WDTC1: variants seen among roughly 807,000 people sequenced by gnomAD.
WDTC1 encodes WD and tetratricopeptide repeats 1.
Under a neutral mutation model 76.0 loss-of-function variants are expected in WDTC1, and 12 were observed. The observed-to-expected ratio is 0.16, with a 90% confidence interval of 0.10 to 0.26. The LOEUF (loss-of-function observed/expected upper bound fraction) is 0.26. WDTC1 is among the 10% of genes least tolerant of loss of function. The probability of loss-of-function intolerance (pLI) is 1.00; values close to 1 mark genes in which losing one functional copy is unlikely to be tolerated. For missense variants in WDTC1, 511 were observed against 908.8 expected (o/e 0.56, Z 5.63); for synonymous variants, 326 against 350.8 (o/e 0.93, Z 0.79).
intron 1 of WDTC1, among the ~76,000 whole-genome samples, chr1:27,257,334 C>T (rs1470456291): frequency 6.6e-6 from 1 of 152,072 alleles, no homozygotes; most frequent in East Asian, 1.9e-4. Flanking sequence ...TGTTCCAATG[C>T]GTCCTATGCC....
intron 8 of WDTC1, 32 bp from the exon 9 acceptor site, chr1:27,294,482 G>A (rs775693338): frequency 6.3e-7 from 1 of 1,593,438 alleles, no homozygotes; most frequent in Non-Finnish European, 8.6e-7. Flanking sequence ...AAAGGGACTG[G>A]GACCCTAGTA....
At chr1:27,287,064 GAC>G (rs1438192251) in intron 5 of WDTC1, among the ~76,000 whole-genome samples, 1 of 151,292 alleles carries the variant, frequency 6.6e-6, no homozygotes. Context: ...TCAGGAGGCT[GAC>G]ACAGGAGAAT....
intron 3 of WDTC1, among the ~76,000 whole-genome samples, chr1:27,269,006 C>T (rs1055127096): frequency 6.7e-6 from 1 of 150,220 alleles, no homozygotes; most frequent in African/African-American, 2.4e-5. Flanking sequence ...TGAGCCACTG[C>T]GCCCAGCCCA....
chr1:27,282,385 C>G (rs2013213078), intron 4 of WDTC1, 100 bp downstream of exon 4: 1 of 1,231,718 alleles, frequency 8.1e-7, no homozygotes, highest in East Asian at 2.4e-5. Flanking sequence ...AAGATTGGAC[C>G]CAAATGAAAA....
chr1:27,297,598 C>G (rs2013727632), intron 11 of WDTC1, among the ~76,000 whole-genome samples: 1 of 152,194 alleles, frequency 6.6e-6, no homozygotes, highest in African/African-American at 2.4e-5. Flanking sequence ...AGACAGCGAT[C>G]CACAGGAGGG....
chr1:27,280,269 G>A (rs1010719224), intron 3 of WDTC1, among the ~76,000 whole-genome samples: 1 of 152,138 alleles, frequency 6.6e-6, no homozygotes, highest in Non-Finnish European at 1.5e-5. Flanking sequence ...AAAACATTGA[G>A]CTGGATTAAA....
intron 5 of WDTC1, among the ~76,000 whole-genome samples, chr1:27,284,844 T>A (rs1437239302): frequency 6.6e-6 from 1 of 151,938 alleles, no homozygotes; most frequent in Admixed American, 6.6e-5. Flanking sequence ...TGTATTTAAC[T>A]CATGCGCTCC....
In WDTC1 at chr1:27,305,555, G is replaced by C. The variant is rs916478722; in HGVS notation, c.1836+362G>C. On this transcript the variant is annotated intron_variant, in intron 15 of 15. Coordinates refer to ENST00000319394, the MANE Select transcript of WDTC1 (RefSeq NM_001276252.2). This position sits in a 1 kb window ranked among gnomAD's most constrained non-coding sequence, Gnocchi z 4.6. ...GACAGCACCACCTTGAAAGGTTGTG[G>C]TGAGAAGTAAAGAAGAGATGCCTGT... 6.6e-6 allele frequency among the ~76,000 whole-genome samples: 1 copy of C among 152,136 alleles called. No individual in the cohort carries two copies. The highest frequency in any genetic ancestry group is 2.4e-5 in the African/African-American group (1 of 41,412).
intron 1 of WDTC1, among the ~76,000 whole-genome samples, chr1:27,236,672 T>C (rs1304637889): frequency 6.6e-6 from 1 of 152,164 alleles, no homozygotes; most frequent in Non-Finnish European, 1.5e-5. Flanking sequence ...GGGCATCTTA[T>C]GTAGGGTGTT....
At chr1:27,269,621 G>GTTTTTTTTTTTTTTTTTTTTTTTTGTT (rs538857228) in intron 3 of WDTC1, among the ~76,000 whole-genome samples, 1 of 126,872 alleles carries the variant, frequency 7.9e-6, no homozygotes, top group African/African-American at 3.0e-5. Flanking sequence ...TTTTTTTTCG[G>GTTTTTTTTTTTTTTTTTTTTTTTTGTT]TTTTTTTTTT....
intron 3 of WDTC1, 90 bp downstream of exon 3, chr1:27,263,325 C>T: frequency 7.6e-7 from 1 of 1,308,500 alleles, no homozygotes; most frequent in South Asian, 1.4e-5. Flanking sequence ...AAGGCATAAA[C>T]AAGTGTTTCT....
chr1:27,266,203 A>G (rs184889252), intron 3 of WDTC1, among the ~76,000 whole-genome samples: 195 of 152,260 alleles, frequency 1.3e-3, no homozygotes, highest in African/African-American at 4.5e-3. Flanking sequence ...GAGAGTACCT[A>G]CTTTTCCTCT....
At position 27,297,080 on chromosome 1, in the gene WDTC1, G is replaced by C. The variant is rs1314636987; in HGVS notation, c.982G>C (p.Val328Leu). Residue 328 changes from valine to leucine, a missense_variant, in exon 11 of 16, where the codon GTG (valine) becomes CTG (leucine). Coordinates refer to ENST00000319394, the MANE Select transcript of WDTC1 (RefSeq NM_001276252.2). The stretch of plus-strand genomic sequence containing the variant: ...GAATGGCAAGATGTCCACCAACGGT[G>C]TGTCCAACGGTGTGTCCAATGGCCT... ...VQNGKMSTNG[V>L]SNGVSNGLHL... 6.2e-7 allele frequency: 1 copy of C among 1,614,040 alleles called. No homozygotes were observed. The highest frequency in any genetic ancestry group is 8.5e-7 in the Non-Finnish European group (1 of 1,179,960).
intron 5 of WDTC1, 84 bp from the exon 6 acceptor site, chr1:27,287,590 A>C: frequency 7.0e-7 from 1 of 1,431,156 alleles, no homozygotes; most frequent in Admixed American, 2.1e-5. Context: ...GGAGAGAGAA[A>C]AGGGTGCAGA....
At chr1:27,243,768 C>T (rs1171203369) in intron 1 of WDTC1, among the ~76,000 whole-genome samples, 3 of 151,968 alleles carry the variant, frequency 2.0e-5, no homozygotes, top group Non-Finnish European at 4.4e-5. Context: ...TACATGCAAG[C>T]GCTTCTGTTC....
chr1:27,254,641 C>T (rs1186256814), intron 1 of WDTC1, among the ~76,000 whole-genome samples: 5 of 150,946 alleles, frequency 3.3e-5, no homozygotes, highest in Non-Finnish European at 7.4e-5. Flanking sequence ...TAAATTTTGA[C>T]TTTTTTTTTG....
chr1:27,306,108 C>G lies in WDTC1; in HGVS notation c.1837-78C>G, dbSNP rs72880901. 15,221 of 1,524,336 alleles carry G rather than the reference C, an allele frequency of 1.0e-2. 1,270 individuals are homozygous for G. The African/African-American group carries it at 0.18, about 18-fold the overall frequency. 94.4% of individuals were successfully genotyped at this position (1,524,336 alleles called of 1,614,324 possible). A position where few individuals can be genotyped will look rare whatever the true frequency, so the allele number is the denominator to read the frequency against. ...TAGATAGTTTAGTCTGTGTATTTCC[C>G]TCCCCCTCCCCTATACGTGTACCCT... is the stretch of plus-strand genomic sequence containing the variant. On this transcript the variant is annotated intron_variant, in intron 15 of 15. Transcript: ENST00000319394. The surrounding 1 kb of genome is among the most constrained non-coding windows in gnomAD (Gnocchi z 5.0).
chr1:27,295,385 G>C (rs990118429), intron 9 of WDTC1, among the ~76,000 whole-genome samples: 1 of 152,146 alleles, frequency 6.6e-6, no homozygotes, highest in Non-Finnish European at 1.5e-5. Flanking sequence ...CTCAGGAGTA[G>C]TGCTAGGGTA....
chr1:27,292,681 C>A (rs1398905243), intron 7 of WDTC1, among the ~76,000 whole-genome samples: 1 of 151,914 alleles, frequency 6.6e-6, no homozygotes, highest in Non-Finnish European at 1.5e-5. Flanking sequence ...TCCACCTCGA[C>A]CTCCCAAAGT....
Sources: gnomAD v4.1 joint callset for allele counts (sites outside exome capture counted in the v4.1 genomes callset) on GRCh38, gnomAD v4.1.1 for gene constraint, Gnocchi (gnomAD v3.1) non-coding constraint, MANE v1.5 for transcripts, NCBI Gene and HGNC (gene_info 2026-07-23, HGNC 2026-07-21) for gene names.